The following GFOD1 variants were observed in gnomAD, a reference collection of about 807,000 sequenced individuals.
The protein encoded by GFOD1 is Gfo/Idh/MocA-like oxidoreductase domain containing 1.
A neutral mutation model predicts 25.4 loss-of-function variants in GFOD1; 9 were observed. The observed-to-expected ratio is 0.35, with a 90% CI of 0.21 to 0.62. GFOD1 has a LOEUF of 0.62. GFOD1 is among the 20% of genes least tolerant of loss of function. The pLI, the probability that GFOD1 is intolerant of heterozygous loss-of-function variation, is 0.72. For missense variants in GFOD1, 403 were observed against 556.9 expected (o/e 0.72, Z 2.78); for synonymous variants, 253 against 245.6 (o/e 1.03, Z -0.28).
At position 13,363,362 on chromosome 6, in the gene GFOD1, T is replaced by C. The variant is rs1349807368; in HGVS notation, c.*1381A>G. 5.9e-5 allele frequency: 9 copies of C among 152,104 alleles called. No individual in the cohort carries two copies. 9.4% of individuals were successfully genotyped at this position (152,104 alleles called of 1,614,324 possible). On this transcript the variant is annotated 3_prime_UTR_variant, in exon 2 of 2. Transcript: ENST00000379287. ...AGGACAAGACAGACAGCAGACCAAT[T>C]AGAAGAACATGTTTTTTCCAACATT...
At chr6:13,458,960 G>C (rs12190769) in intron 1 of GFOD1, among the ~76,000 whole-genome samples, 1 of 152,102 alleles carries the variant, frequency 6.6e-6, no homozygotes, top group Non-Finnish European at 1.5e-5. Context: ...AAAGGATCCA[G>C]AGATTTTGTC....
intron 1 of GFOD1, among the ~76,000 whole-genome samples, chr6:13,397,423 T>G (rs574377926): frequency 1.3e-5 from 2 of 152,374 alleles, no homozygotes; most frequent in East Asian, 3.9e-4. Context: ...GACTCGGGCC[T>G]GCCGTGAGAA....
intron 1 of GFOD1, among the ~76,000 whole-genome samples, chr6:13,428,068 G>C (rs531610063): frequency 2.0e-4 from 31 of 152,278 alleles, no homozygotes; most frequent in Non-Finnish European, 4.0e-4. Context: ...ACACAAGCTG[G>C]GTTCAAAGAC....
At chr6:13,377,402 C>A (rs1785276735) in intron 1 of GFOD1, among the ~76,000 whole-genome samples, 1 of 152,202 alleles carries the variant, frequency 6.6e-6, no homozygotes, top group South Asian at 2.1e-4. Context: ...CAAGCTCATT[C>A]AGGCTGTTGG....
chr6:13,370,642 C>CAA (rs1785132931), intron 1 of GFOD1, among the ~76,000 whole-genome samples: 1 of 152,032 alleles, frequency 6.6e-6, no homozygotes, highest in Admixed American at 6.6e-5. Context: ...TCAAAAGGTT[C>CAA]TTGCTAAAGG....
chr6:13,376,633 T>G (rs1219781655), intron 1 of GFOD1, among the ~76,000 whole-genome samples: 1 of 152,194 alleles, frequency 6.6e-6, no homozygotes, highest in Non-Finnish European at 1.5e-5. Flanking sequence ...TTGGGTGAGA[T>G]TGCTGGGTTG....
chr6:13,374,708 G>C (rs1434708199), intron 1 of GFOD1, among the ~76,000 whole-genome samples: 1 of 145,696 alleles, frequency 6.9e-6, no homozygotes, highest in Non-Finnish European at 1.5e-5. Flanking sequence ...AAGGTAATTA[G>C]CATATTCATC....
chr6:13,390,640 T>C (rs1416376825), intron 1 of GFOD1, among the ~76,000 whole-genome samples: 1 of 150,820 alleles, frequency 6.6e-6, no homozygotes, highest in Admixed American at 6.6e-5. Context: ...GGCAGGAGGA[T>C]TGCTTCAGCC....
At chr6:13,371,909 G>A (rs1785162161) in intron 1 of GFOD1, among the ~76,000 whole-genome samples, 2 of 152,210 alleles carry the variant, frequency 1.3e-5, no homozygotes, top group Non-Finnish European at 2.9e-5. Flanking sequence ...CTGTCAATGT[G>A]ATGCAGTGTG....
chr6:13,404,771 G>A (rs758985540), intron 1 of GFOD1, among the ~76,000 whole-genome samples: 2 of 152,190 alleles, frequency 1.3e-5, no homozygotes, highest in Non-Finnish European at 2.9e-5. Context: ...AAACCTGGTT[G>A]GAGTTGTCTG....
chr6:13,375,419 C>T (rs963875148), intron 1 of GFOD1, among the ~76,000 whole-genome samples: 5 of 152,136 alleles, frequency 3.3e-5, no homozygotes, highest in African/African-American at 9.7e-5. Context: ...GAAACCAGGG[C>T]GGTGGGGATG....
At chr6:13,410,577 G>GGAGAGAGAGAGAGAGAGAGAGAGAGAGA (rs10530261) in intron 1 of GFOD1, among the ~76,000 whole-genome samples, 1 of 128,184 alleles carries the variant, frequency 7.8e-6, no homozygotes, top group Non-Finnish European at 1.6e-5. Flanking sequence ...AAGAAAGAAA[G>GGAGAGAGAGAGAGAGAGAGAGAGAGAGA]GAGAGAGAGA....
chr6:13,461,775 C>G (rs1307303580), intron 1 of GFOD1, among the ~76,000 whole-genome samples: 1 of 152,190 alleles, frequency 6.6e-6, no homozygotes, highest in African/African-American at 2.4e-5. Context: ...CCAGGCTCAG[C>G]TCTTTCCAGA....
intron 1 of GFOD1, among the ~76,000 whole-genome samples, chr6:13,385,303 T>C (rs1157683403): frequency 1.3e-5 from 2 of 152,192 alleles, no homozygotes; most frequent in East Asian, 3.8e-4. Flanking sequence ...CCTGCCCCCA[T>C]GGAGCTCTGG....
chr6:13,412,893 T>C (rs1786103484), intron 1 of GFOD1, among the ~76,000 whole-genome samples: 1 of 152,216 alleles, frequency 6.6e-6, no homozygotes, highest in Admixed American at 6.5e-5. Context: ...GCCTTGGGGA[T>C]CCTGTCTGCC....
intron 1 of GFOD1, among the ~76,000 whole-genome samples, chr6:13,382,019 C>T (rs1785375964): frequency 6.6e-6 from 1 of 152,004 alleles, no homozygotes; most frequent in Non-Finnish European, 1.5e-5. Context: ...AATCATCTCA[C>T]TGAATCCTCC....
chr6:13,383,547 G>A (rs983558314), intron 1 of GFOD1, among the ~76,000 whole-genome samples: 4 of 152,246 alleles, frequency 2.6e-5, no homozygotes, highest in Admixed American at 6.5e-5. Context: ...GGATGGAACT[G>A]TGGGTGGCAG....
Position 13,372,424 on chromosome 6 carries a change from C to T in GFOD1, c.254-6762G>A, listed in dbSNP as rs182817356. Among the ~76,000 whole-genome samples the T allele has an allele frequency of 8.1e-4, 124 of 152,314 alleles. 1 individual carries two copies. Among genetic ancestry groups the T allele is most frequent in the Non-Finnish European group, 1.7e-3 (116 of 68,030 alleles). On this transcript the variant is annotated intron_variant, in intron 1 of 1. Transcript: ENST00000379287. ...AAATCTGTGCTATAGGGAAGAGTTT[C>T]CAGCCCAGAGACCCTAAAGCCCTTC...
At chr6:13,385,971 G>A (rs368269400) in intron 1 of GFOD1, among the ~76,000 whole-genome samples, 56 of 151,548 alleles carry the variant, frequency 3.7e-4, no homozygotes, top group African/African-American at 1.2e-3. Context: ...CTTTCACTCC[G>A]TCTTTCCCTC....
Sources: gnomAD v4.1 joint callset for allele counts (sites outside exome capture counted in the v4.1 genomes callset) on GRCh38, gnomAD v4.1.1 for gene constraint, MANE v1.5 for transcripts, NCBI Gene and HGNC (gene_info 2026-07-23, HGNC 2026-07-21) for gene names.